ANKRD13A: variants seen among roughly 807,000 people sequenced by gnomAD.
ANKRD13A encodes the protein ankyrin repeat domain-containing protein 13A.
Under a neutral mutation model 81.3 loss-of-function variants are expected in ANKRD13A, and 48 were observed. The ratio of observed to expected loss-of-function variants is 0.59; its 90% CI spans 0.47 to 0.75. The LOEUF (loss-of-function observed/expected upper bound fraction) is 0.75. ANKRD13A is among the 30% of genes least tolerant of loss of function. The pLI is 0.00. For synonymous variants in ANKRD13A, 230 were observed against 270.1 expected, an observed-to-expected ratio of 0.85 and a Z score of 1.45; for missense variants, 612 against 734.0, an observed-to-expected ratio of 0.83 and a Z score of 1.92.
intron 8 of ANKRD13A, chr12:110,027,453 C>G: frequency 2.2e-6 from 1 of 445,526 alleles, no homozygotes; most frequent in African/African-American, 2.0e-5. Flanking sequence ...AGGTCTGGCT[C>G]ACTCCAAAAT....
At chr12:110,034,048 C>T in intron 13 of ANKRD13A, 91 bp downstream of exon 13, 1 of 1,281,156 alleles carries the variant, frequency 7.8e-7, no homozygotes, top group Non-Finnish European at 1.0e-6. Context: ...AAGATTTATT[C>T]TAAATATCAA....
intron 9 of ANKRD13A, chr12:110,028,108 C>G (rs1891452405): frequency 2.9e-6 from 1 of 346,018 alleles, no homozygotes; most frequent in African/African-American, 2.1e-5. Context: ...TTGATGCTCA[C>G]AGTAACTATA....
intron 8 of ANKRD13A, among the ~76,000 whole-genome samples, chr12:110,026,223 C>T (rs986737066): frequency 3.3e-5 from 5 of 151,600 alleles, no homozygotes; most frequent in East Asian, 2.0e-4. Context: ...CCTCGGCCTC[C>T]GAAAGTGCTG....
chr12:110,000,572 G>A (rs1276369373), intron 1 of ANKRD13A, among the ~76,000 whole-genome samples: 2 of 152,070 alleles, frequency 1.3e-5, no homozygotes, highest in Non-Finnish European at 2.9e-5. Context: ...GGGACATTTG[G>A]CAATGTATGG....
rs759571730 is a variant in ANKRD13A, at chr12:110,030,802, A to T, written c.1348+44A>T. ...ACAAAGTTTAGTTTTGTTATTTAAA[A>T]AAAAATTTATGGCCGGACGTGGTGG... On this transcript the variant is annotated intron_variant, in intron 12 of 14. Transcript: ENST00000261739. 3.0e-5 allele frequency: 41 copies of T among 1,389,148 alleles called. No individual in the cohort carries two copies. The Middle Eastern group carries it at 9.1e-4, about 31-fold the overall frequency. The allele number at this position is 1,389,148 out of a possible 1,614,324, so 86.1% of individuals were successfully genotyped here.
Position 110,030,764 on chromosome 12 carries a change from AAAAT to A in ANKRD13A, c.1348+16_1348+19del, listed in dbSNP as rs1453866760. The A allele has an allele frequency of 1.3e-6, 2 of 1,546,596 alleles. No homozygotes were observed. Among genetic ancestry groups the A allele is most frequent in the Non-Finnish European group, 8.8e-7 (1 of 1,141,408 alleles). On this transcript the variant is annotated splice_region_variant and intron_variant, in intron 12 of 14. Transcript: ENST00000261739. ...AGGGACCCAGGCTGATTCAGGTAAA[AAAAT>A]AAATAAATACAAAGTTTAGTTTTGT...
chr12:110,029,461 T>C lies in ANKRD13A; in HGVS notation c.1077-17T>C, dbSNP rs1025004067. The C allele has an allele frequency of 2.5e-6, 4 of 1,603,106 alleles. No homozygotes were observed. The highest frequency in any genetic ancestry group is 3.4e-6 in the Non-Finnish European group (4 of 1,170,662). ...TGGTGGAGATGACCTCAGTCTTTTCTTGGTTGAATTCTGCAGGTTTAAAGC... is the reference window on the plus strand; with the variant it reads ...TGGTGGAGATGACCTCAGTCTTTTCCTGGTTGAATTCTGCAGGTTTAAAGC... On this transcript the variant is annotated splice_polypyrimidine_tract_variant and intron_variant, in intron 10 of 14. Transcript: ENST00000261739.
At chr12:110,000,916 C>G (rs755301090) in intron 1 of ANKRD13A, among the ~76,000 whole-genome samples, 5 of 151,776 alleles carry the variant, frequency 3.3e-5, no homozygotes, top group Non-Finnish European at 5.9e-5. Flanking sequence ...CACCACCACG[C>G]CCGGCTAATT....
At position 110,027,716 on chromosome 12, in the gene ANKRD13A, C is replaced by T. The variant is rs1891420766; in HGVS notation, c.895C>T (p.Pro299Ser). The T allele has an allele frequency of 1.2e-6, 2 of 1,614,138 alleles. No individual in the cohort carries two copies. The highest frequency in any genetic ancestry group is 4.5e-5 in the East Asian group (2 of 44,878). ...CTACCCCTCTGTAGCAGACAGGAAC[C>T]CGCTGGAATCTTTGCTGGGAACTGT... ...EKKRYKADRN[P>S]LESLLGTVEH... Residue 299 changes from proline (P) to serine (S), a missense_variant, in exon 9 of 15, where the codon CCG becomes TCG. Pro to Ser is a moderately conservative substitution (Grantham distance 74). Coordinates refer to ENST00000261739, the MANE Select transcript of ANKRD13A (RefSeq NM_033121.2).
intron 7 of ANKRD13A, among the ~76,000 whole-genome samples, chr12:110,025,093 C>T (rs564338881): frequency 6.6e-6 from 1 of 152,306 alleles, no homozygotes; most frequent in East Asian, 1.9e-4. Flanking sequence ...CAGTGGCTCA[C>T]GCCTGTAATC....
intron 3 of ANKRD13A, among the ~76,000 whole-genome samples, chr12:110,014,284 C>A (rs866252418): frequency 6.6e-6 from 1 of 152,024 alleles, no homozygotes; most frequent in African/African-American, 2.4e-5. Context: ...TGGTGGCGGG[C>A]GCCTGTAGTC....
intron 1 of ANKRD13A, among the ~76,000 whole-genome samples, chr12:110,011,108 GAA>G (rs11352479): frequency 3.0e-4 from 38 of 126,786 alleles, no homozygotes; most frequent in African/African-American, 6.4e-4. Context: ...TTGTTTAAAA[GAA>G]AAAAAAAAAA....
intron 12 of ANKRD13A, among the ~76,000 whole-genome samples, chr12:110,033,400 GCA>G: frequency 6.6e-6 from 1 of 152,020 alleles, no homozygotes; most frequent in Non-Finnish European, 1.5e-5. Flanking sequence ...TAGGTGAAGG[GCA>G]CACAGGCATT....
intron 12 of ANKRD13A, among the ~76,000 whole-genome samples, chr12:110,031,909 CTTGT>C (rs2137174654): frequency 6.6e-6 from 1 of 151,702 alleles, no homozygotes; most frequent in African/African-American, 2.4e-5. Flanking sequence ...CAGGATTGAC[CTTGT>C]TTATCTTGTA....
At chr12:110,007,082 C>T (rs558420525) in intron 1 of ANKRD13A, among the ~76,000 whole-genome samples, 1 of 152,316 alleles carries the variant, frequency 6.6e-6, no homozygotes, top group South Asian at 2.1e-4. Flanking sequence ...GCCAGTACCA[C>T]GTTGTCTTGA....
chr12:110,011,945 A>T, intron 1 of ANKRD13A, 60 bp from the exon 2 acceptor site: 1 of 1,509,476 alleles, frequency 6.6e-7, no homozygotes, highest in South Asian at 1.2e-5. Flanking sequence ...TCTGTCAAGC[A>T]CATTTCCCTA....
rs138683846 is a variant in ANKRD13A, at chr12:110,030,751, T to A, written c.1341T>A (p.Ala447=). 22 of 1,577,570 alleles carry A rather than the reference T, an allele frequency of 1.4e-5. No individual in the cohort carries two copies. Among genetic ancestry groups the A allele is most frequent in the Middle Eastern group, 1.7e-4 (1 of 5,936 alleles). The change falls in exon 12 of 15, where the codon GCT becomes GCA. Residue 447 remains alanine, a synonymous_variant. Coordinates refer to ENST00000261739, the MANE Select transcript of ANKRD13A (RefSeq NM_033121.2). ...SVSQNVEGTQ[A]DSASHITNFE... ...CTCAAAATGTGGAAGGGACCCAGGC[T>A]GATTCAGGTAAAAAAATAAATAAAT...
Position 110,016,406 on chromosome 12 carries a change from C to G in ANKRD13A, c.373C>G (p.Gln125Glu). The change falls in exon 4 of 15, where the codon CAG (glutamine) becomes GAG (glutamate). Residue 125 changes from glutamine to glutamate, a missense_variant. Gln to Glu is a conservative substitution (Grantham distance 29, BLOSUM62 2). Transcript: ENST00000261739. ...KILEAPDFYVQMKWEFTSWVP... is the reference protein window; with the variant it reads ...KILEAPDFYVEMKWEFTSWVP... ...CCTTCAGGCTCCGGATTTCTATGTG[C>G]AGATGAAATGGGAATTCACCAGCTG... The G allele has an allele frequency of 6.3e-7, 1 of 1,593,240 alleles. No individual in the cohort carries two copies.
At chr12:110,030,167 T>A (rs1321249076) in intron 11 of ANKRD13A, among the ~76,000 whole-genome samples, 6 of 152,012 alleles carry the variant, frequency 3.9e-5, no homozygotes, top group Non-Finnish European at 8.8e-5. Flanking sequence ...CATAACTCAT[T>A]TTCTCTTTTT....
Sources: allele counts gnomAD v4.1 joint callset (sites outside exome capture counted in the v4.1 genomes callset), GRCh38; gene constraint gnomAD v4.1.1; transcripts MANE v1.5; gene names NCBI Gene and HGNC (gene_info 2026-07-23, HGNC 2026-07-21).